The following SUMF1 variants were observed in gnomAD, a reference collection of about 807,000 sequenced individuals.
The protein encoded by SUMF1 is formylglycine-generating enzyme.
A neutral mutation model predicts 47.6 loss-of-function variants in SUMF1; 48 were observed. That is an observed-to-expected ratio of 1.01 (90% confidence interval 0.80 to 1.28). The LOEUF (loss-of-function observed/expected upper bound fraction) is 1.28, where lower values mean the gene tolerates loss of function less well. Ranked by LOEUF, SUMF1 falls within the 50% of genes most tolerant of loss-of-function variation. SUMF1 has a pLI of 0.00. For missense variants in SUMF1, 571 were observed against 485.4 expected (o/e 1.18, Z -1.66); for synonymous variants, 230 against 192.1 (o/e 1.20, Z -1.63).
chr3:4,251,240 A>T lies in SUMF1; in HGVS notation c.1014+125090T>A, dbSNP rs73115994. Reference sequence around the variant, plus strand: ...ACTTCAGTGGAGGAAGTAACTGCCTATGTGGTAGAAATAGCAAATGAACTA... The same window carrying T: ...ACTTCAGTGGAGGAAGTAACTGCCTTTGTGGTAGAAATAGCAAATGAACTA... On this transcript the variant is annotated intron_variant and NMD_transcript_variant, in intron 8 of 12. Transcript: ENST00000448413. Among the ~76,000 whole-genome samples the T allele has an allele frequency of 6.7e-3, 1,028 of 152,316 alleles. 9 individuals are homozygous for T. The highest frequency in any genetic ancestry group is 0.024 in the African/African-American group (979 of 41,578).
chr3:4,437,154 T>G lies in SUMF1; in HGVS notation c.519+12112A>C, dbSNP rs191036998. On this transcript the variant is annotated intron_variant, in intron 3 of 8. Transcript: ENST00000272902. ...AATGGAGAGTACAGATATTAGTAAT[T>G]ATAGGAGTAAAGAAATACTGACTAC... Among the ~76,000 whole-genome samples, 209 of 152,282 alleles carry G rather than the reference T, an allele frequency of 1.4e-3. 5 individuals are homozygous for G. The highest frequency in any genetic ancestry group is 0.011 in the Admixed American group (174 of 15,290).
rs376877021 is a variant in SUMF1 at position 4,133,023 on chromosome 3, A to C, written c.1015-64278T>G. On this transcript the variant is annotated intron_variant and NMD_transcript_variant, in intron 8 of 12. Transcript: ENST00000448413. ...ACCTGCTTAGGTGCTTGGTGAAGGC[A>C]AAGGGAATACAGAATGGGTATTGGA... 7.3e-4 allele frequency among the ~76,000 whole-genome samples: 111 copies of C among 152,284 alleles called. 4 individuals are homozygous for C. Among genetic ancestry groups the C allele is most frequent in the African/African-American group, 2.5e-3 (103 of 41,546 alleles).
chr3:4,198,684 G>C (rs1438493972), intron 8 of SUMF1, among the ~76,000 whole-genome samples: 1 of 152,010 alleles, frequency 6.6e-6, no homozygotes, highest in Non-Finnish European at 1.5e-5. Context: ...TGCTCAGCTG[G>C]AGTAATTAGA....
chr3:4,163,121 G>GAAAAAAA (rs71802775), intron 8 of SUMF1, among the ~76,000 whole-genome samples: 1 of 148,686 alleles, frequency 6.7e-6, no homozygotes, highest in Non-Finnish European at 1.5e-5. Context: ...GCAGCAGCCT[G>GAAAAAAA]AAAAAAAAAA....
intron 8 of SUMF1, among the ~76,000 whole-genome samples, chr3:4,177,141 G>T (rs1185060734): frequency 1.1e-4 from 17 of 152,060 alleles, no homozygotes; most frequent in African/African-American, 4.1e-4. Context: ...GGGACAGAAG[G>T]TTAACAAGGA....
At position 4,124,564 on chromosome 3, in the gene SUMF1, C is replaced by T. The variant is rs574400769; in HGVS notation, c.1015-55819G>A. Among the ~76,000 whole-genome samples, 277 of 151,368 alleles carry T rather than the reference C, an allele frequency of 1.8e-3. 1 individual carries two copies. The highest frequency in any genetic ancestry group is 3.4e-3 in the Middle Eastern group (1 of 294). On this transcript the variant is annotated intron_variant and NMD_transcript_variant, in intron 8 of 12. Coordinates refer to the SUMF1 transcript ENST00000448413. Reference sequence around the variant, plus strand: ...AATACATTAGCACAGTGCCATAGTCCTAAATCATATATATTTTAATTGAAT... The same window carrying T: ...AATACATTAGCACAGTGCCATAGTCTTAAATCATATATATTTTAATTGAAT...
At chr3:4,365,813 G>A (rs377561154) in intron 8 of SUMF1, among the ~76,000 whole-genome samples, 2 of 151,780 alleles carry the variant, frequency 1.3e-5, no homozygotes, top group South Asian at 2.1e-4. Context: ...TCCTAGTCTC[G>A]ATGGTCTTTA....
At chr3:4,302,490 T>C (rs1158036025) in intron 8 of SUMF1, among the ~76,000 whole-genome samples, 1 of 151,748 alleles carries the variant, frequency 6.6e-6, no homozygotes, top group African/African-American at 2.4e-5. Flanking sequence ...AGAGAACAGA[T>C]TGTAAATGTT....
intron 3 of SUMF1, among the ~76,000 whole-genome samples, chr3:4,439,395 G>A (rs900492891): frequency 6.6e-6 from 1 of 151,964 alleles, no homozygotes; most frequent in Non-Finnish European, 1.5e-5. Flanking sequence ...TGTGGTGGGC[G>A]CACTCCTATA....
At chr3:4,379,443 T>A (rs1382925750) in intron 7 of SUMF1, among the ~76,000 whole-genome samples, 1 of 152,232 alleles carries the variant, frequency 6.6e-6, no homozygotes, top group South Asian at 2.1e-4. Flanking sequence ...ATGAGAAGGA[T>A]TCCTGGAAGT....
rs375362107 is a variant in SUMF1 at position 4,225,985 on chromosome 3, G to C, written c.1014+150345C>G. Among the ~76,000 whole-genome samples, 24 of 152,174 alleles carry C rather than the reference G, an allele frequency of 1.6e-4. No homozygotes were observed. The East Asian group carries it at 4.5e-3, about 28-fold the overall frequency. On this transcript the variant is annotated intron_variant and NMD_transcript_variant, in intron 8 of 12. Transcript: ENST00000448413. The stretch of plus-strand genomic sequence containing the variant: ...GGGCAGGATGGTGGGAGCAGAAACA[G>C]AATAGGAGGAGGACACCAGCCTCAC...
In SUMF1 at chr3:4,157,933, G is replaced by A. The variant is rs112433626; in HGVS notation, c.1015-89188C>T. Reference sequence around the variant, plus strand: ...TCCCATATTGTACTTTGTATTTTCAGTCTCTGGGTCTGGCAGCGCTGCCCA... The same window carrying A: ...TCCCATATTGTACTTTGTATTTTCAATCTCTGGGTCTGGCAGCGCTGCCCA... On this transcript the variant is annotated intron_variant and NMD_transcript_variant, in intron 8 of 12. Transcript: ENST00000448413. Among the ~76,000 whole-genome samples, 6 of 146,100 alleles carry A rather than the reference G, an allele frequency of 4.1e-5. 1 individual carries two copies. The highest frequency in any genetic ancestry group is 2.1e-4 in the South Asian group (1 of 4,820).
rs528097158 is a variant in SUMF1 at position 4,130,702 on chromosome 3, C to T, written c.1015-61957G>A. ...ATGAAGGATAAGTTGCTGTATTTGT[C>T]CCCTCCTACAACCAAGAAAGAGGCA... On this transcript the variant is annotated intron_variant and NMD_transcript_variant, in intron 8 of 12. Transcript: ENST00000448413. 9.2e-5 allele frequency among the ~76,000 whole-genome samples: 14 copies of T among 152,040 alleles called. No individual in the cohort carries two copies. The South Asian group carries it at 2.5e-3, about 27-fold the overall frequency.
rs189699304 is a variant in SUMF1 at position 4,133,143 on chromosome 3, A to C, written c.1015-64398T>G. Among the ~76,000 whole-genome samples the C allele has an allele frequency of 3.4e-4, 52 of 152,276 alleles. No homozygotes were observed. In the East Asian group the frequency reaches 9.6e-3, roughly 28 times the overall value. On this transcript the variant is annotated intron_variant and NMD_transcript_variant, in intron 8 of 12. Coordinates refer to the SUMF1 transcript ENST00000448413. ...GTACTTCCTTCTTCTTTTGTTAAAA[A>C]CATGTTTGTGCATGTATACACTTGT...
chr3:4,185,457 T>C (rs1205758547), intron 8 of SUMF1, among the ~76,000 whole-genome samples: 1 of 152,198 alleles, frequency 6.6e-6, no homozygotes, highest in African/African-American at 2.4e-5. Context: ...GTCCAATAAC[T>C]ACTATGAATG....
intron 8 of SUMF1, among the ~76,000 whole-genome samples, chr3:4,156,764 A>G (rs1694461182): frequency 6.6e-6 from 1 of 151,702 alleles, no homozygotes; most frequent in Non-Finnish European, 1.5e-5. Context: ...CTATTGCCCT[A>G]ATTGCTAGAC....
Position 4,163,187 on chromosome 3 carries a change from T to C in SUMF1, c.1015-94442A>G, listed in dbSNP as rs146546960. On this transcript the variant is annotated intron_variant and NMD_transcript_variant, in intron 8 of 12. Transcript: ENST00000448413. ...AGCCTCCACTCTTCTCCCGGTAGACTGCTAGGGTTTCCGGGTCACTGCACT... is the reference window on the plus strand; with the variant it reads ...AGCCTCCACTCTTCTCCCGGTAGACCGCTAGGGTTTCCGGGTCACTGCACT... Among the ~76,000 whole-genome samples, 135 of 151,790 alleles carry C rather than the reference T, an allele frequency of 8.9e-4. 1 individual carries two copies. Among genetic ancestry groups the C allele is most frequent in the African/African-American group, 3.0e-3 (126 of 41,380 alleles).
chr3:4,107,215 G>C (rs981686145), intron 8 of SUMF1, among the ~76,000 whole-genome samples: 1 of 152,124 alleles, frequency 6.6e-6, no homozygotes, highest in Admixed American at 6.5e-5. Context: ...CAGGAGCTAA[G>C]ATTTGCCAAA....
At chr3:4,041,821 C>A (rs1387425019) in intron 9 of SUMF1, among the ~76,000 whole-genome samples, 1 of 152,184 alleles carries the variant, frequency 6.6e-6, no homozygotes, top group Non-Finnish European at 1.5e-5. Flanking sequence ...ACAGAAGTGG[C>A]TGGTTATGAA....
Sources: allele counts gnomAD v4.1 joint callset (sites outside exome capture counted in the v4.1 genomes callset), GRCh38; gene constraint gnomAD v4.1.1; transcripts MANE v1.5; gene names NCBI Gene and HGNC (gene_info 2026-07-23, HGNC 2026-07-21).